Variants in CDK5RAP2 observed in about 807,000 individuals in gnomAD.
The protein encoded by CDK5RAP2 is CDK5 regulatory subunit-associated protein 2.
Under a neutral mutation model 232.9 loss-of-function variants are expected in CDK5RAP2, and 147 were observed. The observed-to-expected ratio is 0.63, with a 90% CI of 0.55 to 0.72. The LOEUF (loss-of-function observed/expected upper bound fraction) is 0.72, where lower values mean the gene tolerates loss of function less well. CDK5RAP2 is among the 30% of genes least tolerant of loss of function. The probability of loss-of-function intolerance (pLI) is 0.00; values close to 1 mark genes in which losing one functional copy is unlikely to be tolerated. For synonymous variants in CDK5RAP2, 833 were observed against 833.7 expected (o/e 1.00, Z 0.01); for missense variants, 2,195 against 2,231.5 (o/e 0.98, Z 0.33).
intron 35 of CDK5RAP2, 123 bp from the exon 36 acceptor site, chr9:120,394,761 A>G: frequency 1.2e-6 from 1 of 855,464 alleles, no homozygotes; most frequent in Non-Finnish European, 1.8e-6. Flanking sequence ...TTGAATGGAA[A>G]CTAGAAGCCT....
At position 120,528,814 on chromosome 9, in the gene CDK5RAP2, A is replaced by G. The variant is rs1480374144; in HGVS notation, c.826-17T>C. 1 of 1,600,704 alleles carries G rather than the reference A, an allele frequency of 6.2e-7. No individual in the cohort carries two copies. The highest frequency in any genetic ancestry group is 8.6e-7 in the Non-Finnish European group (1 of 1,167,774). On this transcript the variant is annotated splice_polypyrimidine_tract_variant and intron_variant, in intron 8 of 37. Coordinates refer to ENST00000349780, the MANE Select transcript of CDK5RAP2 (RefSeq NM_018249.6). ...TTGTGCAGCCTAAGAAAAGGCATTA[A>G]TTGGTGTGAAGAAGGGACGTGCAAT...
Position 120,545,701 on chromosome 9 carries a change from TG to T in CDK5RAP2, c.383+12del. On this transcript the variant is annotated intron_variant, in intron 5 of 37. Transcript: ENST00000349780. The stretch of plus-strand genomic sequence containing the variant: ...GGGCGACTTGCAAGCTTTCAACGGA[TG>T]ATGGTACTCACGAGGCTTTGATGAG... The T allele has an allele frequency of 6.2e-7, 1 of 1,607,820 alleles. No homozygotes were observed. The highest frequency in any genetic ancestry group is 8.5e-7 in the Non-Finnish European group (1 of 1,174,298).
At chr9:120,400,963 A>C (rs1352028150) in intron 34 of CDK5RAP2, 78 bp from the exon 35 acceptor site, 1 of 1,525,392 alleles carries the variant, frequency 6.6e-7, no homozygotes, top group Non-Finnish European at 9.0e-7. Flanking sequence ...ATGCAGTATA[A>C]ATCTCCAGAC....
At chr9:120,492,326 TTTG>T (rs1266555690) in intron 12 of CDK5RAP2, among the ~76,000 whole-genome samples, 4 of 152,180 alleles carry the variant, frequency 2.6e-5, no homozygotes, top group Admixed American at 2.0e-4. Flanking sequence ...TTCAGAATAT[TTTG>T]TTAAGTGTGT....
intron 21 of CDK5RAP2, 127 bp downstream of exon 21, chr9:120,453,329 G>T: frequency 1.2e-6 from 1 of 845,484 alleles, no homozygotes; most frequent in Non-Finnish European, 1.8e-6. Flanking sequence ...CAGGGTAAGT[G>T]CAAGCAGAGG....
At chr9:120,579,817 G>A in intron 1 of CDK5RAP2, 103 bp downstream of exon 1, 2 of 923,112 alleles carry the variant, frequency 2.2e-6, no homozygotes, top group Non-Finnish European at 1.8e-6. Context: ...CACTGCCCCT[G>A]GCCAGACACC....
At chr9:120,574,287 C>T (rs1411050669) in intron 1 of CDK5RAP2, among the ~76,000 whole-genome samples, 1 of 152,192 alleles carries the variant, frequency 6.6e-6, no homozygotes, top group East Asian at 1.9e-4. Flanking sequence ...TCAGTTCCAA[C>T]TACACCTCCA....
intron 12 of CDK5RAP2, among the ~76,000 whole-genome samples, chr9:120,494,156 T>TCACA (rs144979336): frequency 2.0e-5 from 3 of 149,104 alleles, no homozygotes; most frequent in Non-Finnish European, 3.0e-5. Context: ...GAATTCATGA[T>TCACA]CACACACACA....
At chr9:120,498,485 T>G (rs1385565778) in intron 12 of CDK5RAP2, among the ~76,000 whole-genome samples, 2 of 152,216 alleles carry the variant, frequency 1.3e-5, no homozygotes, top group African/African-American at 4.8e-5. Context: ...CAATTCAATG[T>G]GGATCCTTCA....
chr9:120,527,685 A>G, intron 10 of CDK5RAP2, 121 bp downstream of exon 10: 1 of 1,107,968 alleles, frequency 9.0e-7, no homozygotes, highest in Non-Finnish European at 1.3e-6. Context: ...TCATTTCCCC[A>G]CTTTCTATAC....
At chr9:120,553,736 T>C (rs1481212497) in intron 3 of CDK5RAP2, among the ~76,000 whole-genome samples, 1 of 152,240 alleles carries the variant, frequency 6.6e-6, no homozygotes, top group East Asian at 1.9e-4. Context: ...TGCCTGCATG[T>C]ATGTTACATT....
At chr9:120,396,574 G>C (rs1233457980) in intron 35 of CDK5RAP2, among the ~76,000 whole-genome samples, 1 of 152,132 alleles carries the variant, frequency 6.6e-6, no homozygotes, top group African/African-American at 2.4e-5. Flanking sequence ...GTGCCCCGGG[G>C]CTCAGTGTCT....
chr9:120,441,781 T>A (rs559936398), intron 23 of CDK5RAP2, among the ~76,000 whole-genome samples: 1 of 152,346 alleles, frequency 6.6e-6, no homozygotes, highest in South Asian at 2.1e-4. Context: ...AAAGGAAGCA[T>A]TCCTAATACA....
chr9:120,505,349 A>G (rs1016182067), intron 12 of CDK5RAP2, among the ~76,000 whole-genome samples: 7 of 152,168 alleles, frequency 4.6e-5, no homozygotes, highest in African/African-American at 1.7e-4. Context: ...TTAACGGATA[A>G]AAGTGTATTC....
intron 34 of CDK5RAP2, among the ~76,000 whole-genome samples, chr9:120,401,857 G>A (rs568820939): frequency 9.1e-4 from 139 of 151,940 alleles, no homozygotes; most frequent in African/African-American, 3.1e-3. Context: ...GGTGGCAGGC[G>A]CCTGTAATCC....
At chr9:120,552,678 C>T (rs1387377540) in intron 3 of CDK5RAP2, among the ~76,000 whole-genome samples, 1 of 124,960 alleles carries the variant, frequency 8.0e-6, no homozygotes, top group Non-Finnish European at 1.6e-5. Flanking sequence ...GAACATCACA[C>T]ACCAGGGCCT....
At chr9:120,508,688 C>T (rs1254033173) in intron 12 of CDK5RAP2, among the ~76,000 whole-genome samples, 2 of 152,216 alleles carry the variant, frequency 1.3e-5, no homozygotes, top group Non-Finnish European at 2.9e-5. Context: ...CTCCCATTCC[C>T]CCAGGCAAAC....
At position 120,518,598 on chromosome 9, in the gene CDK5RAP2, CGAAAG is replaced by C; in HGVS notation, c.1135_1139del (p.Leu379GlyfsTer19). The C allele has an allele frequency of 6.2e-7, 1 of 1,613,566 alleles. No homozygotes were observed. The highest frequency in any genetic ancestry group is 8.5e-7 in the Non-Finnish European group (1 of 1,179,948). ...TGAGGTTTTGTGAGCGCAGCGCAGC[CGAAAG>C]GGCTTCCTTTCCTGATAGAGCAGTC... On this transcript the variant is annotated frameshift_variant, in exon 12 of 38. Transcript: ENST00000349780. LOFTEE classifies it high-confidence loss of function.
intron 18 of CDK5RAP2, among the ~76,000 whole-genome samples, chr9:120,463,347 G>A (rs956175491): frequency 2.6e-5 from 4 of 152,100 alleles, no homozygotes; most frequent in African/African-American, 7.2e-5. Flanking sequence ...CTCCAGCCTG[G>A]GTGACAGAGG....
Sources: allele counts gnomAD v4.1 joint callset (sites outside exome capture counted in the v4.1 genomes callset), GRCh38; gene constraint gnomAD v4.1.1; transcripts MANE v1.5; gene names NCBI Gene and HGNC (gene_info 2026-07-23, HGNC 2026-07-21).